The following ADAM22 variants were observed in gnomAD, a reference collection of about 807,000 sequenced individuals.
ADAM22 encodes disintegrin and metalloproteinase domain-containing protein 22.
In ADAM22, 65 loss-of-function variants were observed where a neutral mutation model predicts 144.6. That is an observed-to-expected ratio of 0.45 (90% confidence interval 0.37 to 0.55). The LOEUF (loss-of-function observed/expected upper bound fraction) is 0.55. Among genes scored for constraint, ADAM22 ranks in the 20% least tolerant of loss-of-function variants. ADAM22 has a pLI of 0.00. For synonymous variants in ADAM22, 391 were observed against 412.6 expected (o/e 0.95, Z 0.63); for missense variants, 974 against 1,184.9 (o/e 0.82, Z 2.61).
intron 4 of ADAM22, among the ~76,000 whole-genome samples, chr7:88,083,428 T>G (rs1439961743): frequency 6.6e-6 from 1 of 151,958 alleles, no homozygotes; most frequent in Non-Finnish European, 1.5e-5. Flanking sequence ...ACATGGCACA[T>G]GTATACATAT....
intron 3 of ADAM22, among the ~76,000 whole-genome samples, chr7:88,024,398 G>C (rs574466872): frequency 8.4e-4 from 128 of 152,274 alleles, no homozygotes; most frequent in African/African-American, 2.9e-3. Flanking sequence ...GGGGTGAGAT[G>C]ATACCTCATT....
At chr7:88,010,997 G>A (rs1795220271) in intron 3 of ADAM22, among the ~76,000 whole-genome samples, 1 of 152,214 alleles carries the variant, frequency 6.6e-6, no homozygotes, top group Admixed American at 6.5e-5. Context: ...TTTAAAGTAT[G>A]TGATGGCATA....
chr7:88,149,795 A>G (rs1837776137), intron 18 of ADAM22, among the ~76,000 whole-genome samples: 1 of 152,184 alleles, frequency 6.6e-6, no homozygotes, highest in Non-Finnish European at 1.5e-5. Flanking sequence ...TATTTAGCAT[A>G]CTGTACATTA....
chr7:87,994,351 C>T (rs1042539816), intron 3 of ADAM22, among the ~76,000 whole-genome samples: 22 of 152,114 alleles, frequency 1.4e-4, no homozygotes, highest in South Asian at 8.3e-4. Context: ...TTAGTAGACA[C>T]GGGGTTTCAC....
intron 2 of ADAM22, 130 bp downstream of exon 2, chr7:87,935,316 T>TG: frequency 9.6e-7 from 1 of 1,038,536 alleles, no homozygotes; most frequent in Non-Finnish European, 1.4e-6. Context: ...ATGCGAGTCA[T>TG]GCATGGCGCT....
chr7:88,013,831 A>G (rs932707379), intron 3 of ADAM22, among the ~76,000 whole-genome samples: 1 of 152,208 alleles, frequency 6.6e-6, no homozygotes, highest in African/African-American at 2.4e-5. Flanking sequence ...TTTCAACTTT[A>G]CTAGAGTGTA....
intron 2 of ADAM22, among the ~76,000 whole-genome samples, chr7:87,944,816 GT>G (rs11311070): frequency 0.47 from 59,593 of 126,744 alleles, 12,974 homozygotes; most frequent in Middle Eastern, 0.5. Context: ...GGAAACTTGT[GT>G]TTTTTTTTTT....
intron 3 of ADAM22, among the ~76,000 whole-genome samples, chr7:88,036,980 T>C (rs1327183149): frequency 6.6e-6 from 1 of 152,144 alleles, no homozygotes; most frequent in Non-Finnish European, 1.5e-5. Context: ...TTAACATCTG[T>C]CATAAACATT....
intron 4 of ADAM22, among the ~76,000 whole-genome samples, chr7:88,077,792 G>C (rs1219971514): frequency 1.3e-5 from 2 of 152,184 alleles, no homozygotes; most frequent in Admixed American, 1.3e-4. Context: ...AGCTAGGCTG[G>C]GGGAGGGGCG....
intron 2 of ADAM22, among the ~76,000 whole-genome samples, chr7:87,970,519 C>T (rs144172215): frequency 6.6e-6 from 1 of 152,134 alleles, no homozygotes; most frequent in Non-Finnish European, 1.5e-5. Context: ...ACCTAAAGTA[C>T]CTCATCTTTC....
intron 3 of ADAM22, among the ~76,000 whole-genome samples, chr7:88,005,363 C>A (rs1793555240): frequency 6.6e-6 from 1 of 152,138 alleles, no homozygotes; most frequent in South Asian, 2.1e-4. Flanking sequence ...TGGAAGCTAT[C>A]TGGATAAGCA....
intron 7 of ADAM22, among the ~76,000 whole-genome samples, chr7:88,124,314 T>TA (rs1476741838): frequency 6.6e-6 from 1 of 151,998 alleles, no homozygotes; most frequent in East Asian, 1.9e-4. Flanking sequence ...AATAAACATT[T>TA]AGGAGCATTG....
intron 30 of ADAM22, among the ~76,000 whole-genome samples, chr7:88,190,308 G>A (rs1230211914): frequency 6.6e-6 from 1 of 152,150 alleles, no homozygotes; most frequent in East Asian, 1.9e-4. Flanking sequence ...GCCGAGATGG[G>A]TGGATCATTT....
chr7:88,192,894 T>C (rs1178623269), intron 30 of ADAM22, among the ~76,000 whole-genome samples: 1 of 152,238 alleles, frequency 6.6e-6, no homozygotes, highest in Non-Finnish European at 1.5e-5. Context: ...TATCATTCTA[T>C]GTTCTAACAT....
chr7:88,126,470 G>T (rs1238340481), intron 8 of ADAM22, among the ~76,000 whole-genome samples: 1 of 151,904 alleles, frequency 6.6e-6, no homozygotes, highest in East Asian at 1.9e-4. Context: ...TTTACAGACA[G>T]ATTTTTATTG....
At chr7:88,177,016 C>T (rs947754100) in intron 26 of ADAM22, among the ~76,000 whole-genome samples, 12 of 152,172 alleles carry the variant, frequency 7.9e-5, no homozygotes, top group Non-Finnish European at 1.5e-4. Context: ...CTGCCCGCTT[C>T]GGCCTCCCAT....
At chr7:88,140,613 T>TG (rs1834328152) in intron 14 of ADAM22, among the ~76,000 whole-genome samples, 1 of 152,092 alleles carries the variant, frequency 6.6e-6, no homozygotes, top group African/African-American at 2.4e-5. Flanking sequence ...CCCAGAACTT[T>TG]GGGAGGATCG....
Position 88,153,075 on chromosome 7 carries a change from C to G in ADAM22, c.1682-146C>G, listed in dbSNP as rs906181207. 93 of 565,268 alleles carry G rather than the reference C, an allele frequency of 1.6e-4. 2 individuals carry two copies. The Admixed American group carries it at 3.0e-3, about 18-fold the overall frequency. The allele number at this position is 565,268 out of a possible 1,614,324, so 35.0% of individuals were successfully genotyped here. The stretch of plus-strand genomic sequence containing the variant: ...TGGATATATATGATCCATGGTAAAA[C>G]TGTGAACCGTTCGTTGGTAACATTT... On this transcript the variant is annotated intron_variant, in intron 20 of 31. Transcript: ENST00000413139.
intron 3 of ADAM22, among the ~76,000 whole-genome samples, chr7:88,031,433 TG>T (rs770472648): frequency 6.6e-6 from 1 of 152,312 alleles, no homozygotes; most frequent in East Asian, 1.9e-4. Flanking sequence ...TGGTCTCAGA[TG>T]GAGTTGAGGA....
Sources: gnomAD v4.1 joint callset for allele counts (sites outside exome capture counted in the v4.1 genomes callset) on GRCh38, gnomAD v4.1.1 for gene constraint, MANE v1.5 for transcripts, NCBI Gene and HGNC (gene_info 2026-07-23, HGNC 2026-07-21) for gene names.